The following FYN variants were observed in gnomAD, a reference collection of about 807,000 sequenced individuals.
The protein encoded by FYN is FYN proto-oncogene, Src family tyrosine kinase, also known as tyrosine-protein kinase Fyn.
FYN carries 10 observed loss-of-function variants against 70.2 expected under a neutral mutation model. The ratio of observed to expected loss-of-function variants is 0.14; its 90% CI spans 0.09 to 0.24. The LOEUF (loss-of-function observed/expected upper bound fraction) is 0.24. Among genes scored for constraint, FYN ranks in the 10% least tolerant of loss-of-function variants. The probability of loss-of-function intolerance (pLI) is 1.00; values close to 1 mark genes in which losing one functional copy is unlikely to be tolerated. For missense variants in FYN, 319 were observed against 673.1 expected, an observed-to-expected ratio of 0.47 and a Z score of 5.82; for synonymous variants, 236 against 248.6, an observed-to-expected ratio of 0.95 and a Z score of 0.48.
At chr6:111,774,963 C>T (rs549172611) in intron 3 of FYN, among the ~76,000 whole-genome samples, 3 of 152,324 alleles carry the variant, frequency 2.0e-5, no homozygotes, top group South Asian at 2.1e-4. Flanking sequence ...AAGTGACCCA[C>T]CTGCCTTAGC....
At chr6:111,773,615 AG>A (rs1803577970) in intron 3 of FYN, among the ~76,000 whole-genome samples, 1 of 59,400 alleles carries the variant, frequency 1.7e-5, no homozygotes, top group Non-Finnish European at 3.0e-5. Context: ...AGGGGGAGGG[AG>A]AGAGGGGGAA....
intron 9 of FYN, 26 bp from the exon 10 acceptor site, chr6:111,696,482 C>A (rs751072266): frequency 3.3e-6 from 5 of 1,520,838 alleles, no homozygotes; most frequent in African/African-American, 2.8e-5. Flanking sequence ...AATATGAAGT[C>A]AAACCAAAGA....
At chr6:111,817,224 G>GT (rs201650586) in intron 2 of FYN, among the ~76,000 whole-genome samples, 2,581 of 151,684 alleles carry the variant, frequency 0.017, 27 homozygotes, top group Non-Finnish European at 0.027. Flanking sequence ...CTGTATTTTT[G>GT]TTTTTTTAAA....
intron 2 of FYN, among the ~76,000 whole-genome samples, chr6:111,825,214 A>T (rs1209311425): frequency 6.6e-6 from 1 of 152,176 alleles, no homozygotes; most frequent in African/African-American, 2.4e-5. Context: ...TGTGGGAGGC[A>T]CCCTCTTTTC....
At chr6:111,768,695 T>C (rs1803325639) in intron 3 of FYN, among the ~76,000 whole-genome samples, 1 of 152,202 alleles carries the variant, frequency 6.6e-6, no homozygotes, top group Non-Finnish European at 1.5e-5. Flanking sequence ...ATATTTTATA[T>C]TTCCTTTCCT....
chr6:111,685,872 A>T (rs1379801306), intron 12 of FYN, among the ~76,000 whole-genome samples: 2 of 152,196 alleles, frequency 1.3e-5, no homozygotes, highest in African/African-American at 4.8e-5. Context: ...ACCAGCACAG[A>T]TAAAGGGGAA....
chr6:111,683,977 T>C (rs989587590), intron 12 of FYN, among the ~76,000 whole-genome samples: 7 of 152,244 alleles, frequency 4.6e-5, no homozygotes, highest in Non-Finnish European at 1.0e-4. Context: ...TCTGAAGTAA[T>C]ACAACTGGGT....
chr6:111,671,181 T>C (rs1321314021), intron 13 of FYN, among the ~76,000 whole-genome samples: 2 of 152,206 alleles, frequency 1.3e-5, no homozygotes, highest in African/African-American at 4.8e-5. Flanking sequence ...TATTTCAGTA[T>C]TTTTTCCTTC....
chr6:111,753,695 T>C (rs534183712), intron 3 of FYN, among the ~76,000 whole-genome samples: 1 of 151,936 alleles, frequency 6.6e-6, no homozygotes, highest in East Asian at 1.9e-4. Flanking sequence ...AGCAGCAGCA[T>C]GTGTAAAAAC....
chr6:111,774,354 G>A (rs1214358858), intron 3 of FYN, among the ~76,000 whole-genome samples: 1 of 152,172 alleles, frequency 6.6e-6, no homozygotes, highest in Non-Finnish European at 1.5e-5. Context: ...TTCAGATAGT[G>A]CGGGTGTGCA....
chr6:111,719,778 C>A, intron 4 of FYN, 27 bp downstream of exon 4: 1 of 1,610,274 alleles, frequency 6.2e-7, no homozygotes, highest in Non-Finnish European at 8.5e-7. Flanking sequence ...TGCCCCCTCT[C>A]TGCACTCTGT....
At chr6:111,812,530 C>G (rs1023595004) in intron 2 of FYN, among the ~76,000 whole-genome samples, 16 of 148,816 alleles carry the variant, frequency 1.1e-4, no homozygotes, top group African/African-American at 3.5e-4. Flanking sequence ...TAGTTGTATA[C>G]TTAGAAACCA....
intron 12 of FYN, among the ~76,000 whole-genome samples, chr6:111,688,107 T>G (rs114611034): frequency 0.017 from 2,605 of 152,200 alleles, 67 homozygotes; most frequent in African/African-American, 0.06. Flanking sequence ...CTGGAAGAAG[T>G]GAATAATACC....
chr6:111,699,990 A>G, intron 9 of FYN, 114 bp downstream of exon 9: 1 of 739,062 alleles, frequency 1.4e-6, no homozygotes, highest in Non-Finnish European at 2.1e-6. Context: ...CCCCACTATT[A>G]GTAATTCAAA....
chr6:111,700,402 C>T (rs1486899845), intron 8 of FYN, 134 bp from the exon 9 acceptor site: 1 of 814,212 alleles, frequency 1.2e-6, no homozygotes, highest in African/African-American at 1.7e-5. Context: ...CAGACGACCA[C>T]ACACATCGTG....
chr6:111,663,304 CAT>C (rs976151918), intron 13 of FYN, among the ~76,000 whole-genome samples: 1 of 152,236 alleles, frequency 6.6e-6, no homozygotes, highest in Non-Finnish European at 1.5e-5. Context: ...GAGCACACAC[CAT>C]ATGCATGGAG....
chr6:111,755,215 G>A (rs988804664), intron 3 of FYN, among the ~76,000 whole-genome samples: 1 of 151,994 alleles, frequency 6.6e-6, no homozygotes, highest in African/African-American at 2.4e-5. Context: ...CCCATAGTGT[G>A]GATGCTAACA....
intron 13 of FYN, among the ~76,000 whole-genome samples, chr6:111,669,410 G>GGCTGACAGAGCAAGATT (rs1798159593): frequency 7.8e-6 from 1 of 128,652 alleles, no homozygotes. Flanking sequence ...ATTCCCGTCT[G>GGCTGACAGAGCAAGATT]GCTGACAGAG....
intron 3 of FYN, among the ~76,000 whole-genome samples, chr6:111,737,487 T>G (rs972449068): frequency 6.6e-6 from 1 of 152,186 alleles, no homozygotes; most frequent in Non-Finnish European, 1.5e-5. Flanking sequence ...TTATAAAGGA[T>G]GTTTTAAAGG....
Sources: allele counts gnomAD v4.1 joint callset (sites outside exome capture counted in the v4.1 genomes callset), GRCh38; gene constraint gnomAD v4.1.1; transcripts MANE v1.5; gene names NCBI Gene and HGNC (gene_info 2026-07-23, HGNC 2026-07-21).